The following MAF variants were observed in gnomAD, a reference collection of about 807,000 sequenced individuals.
The protein encoded by MAF is MAF bZIP transcription factor, also known as transcription factor Maf.
Under a neutral mutation model 22.0 loss-of-function variants are expected in MAF, and 10 were observed. The ratio of observed to expected loss-of-function variants is 0.45; its 90% CI spans 0.28 to 0.77. The LOEUF is 0.77. MAF is among the 30% of genes least tolerant of loss of function. MAF has a pLI of 0.12. For missense variants in MAF, 544 were observed against 548.4 expected (o/e 0.99, Z 0.08); for synonymous variants, 337 against 255.8 (o/e 1.32, Z -3.03).
the MAF span, among the ~76,000 whole-genome samples, chr16:79,547,820 G>C: frequency 2.0e-5 from 3 of 151,814 alleles, no homozygotes; most frequent in African/African-American, 7.3e-5. Flanking sequence ...TTTCTCCTCT[G>C]TCTCCTCTGT....
At chr16:79,598,081 G>A (rs865792469) in intron 1 of MAF, 2 of 1,042,702 alleles carry the variant, frequency 1.9e-6, no homozygotes, top group Non-Finnish European at 2.3e-6. Flanking sequence ...TCGGCACGCT[G>A]CAAGTCTATA....
At chr16:79,512,122 C>G in the MAF span, among the ~76,000 whole-genome samples, 1 of 152,166 alleles carries the variant, frequency 6.6e-6, no homozygotes, top group Non-Finnish European at 1.5e-5. Flanking sequence ...TTCATAATCC[C>G]ATAGCTCTTT....
the MAF span, among the ~76,000 whole-genome samples, chr16:79,558,754 G>C: frequency 1.3e-5 from 2 of 152,172 alleles, no homozygotes; most frequent in South Asian, 2.1e-4. Flanking sequence ...CAAGAGTCCA[G>C]TGGCTTTCTT....
chr16:79,411,726 T>C, the MAF span, among the ~76,000 whole-genome samples: 1 of 152,222 alleles, frequency 6.6e-6, no homozygotes, highest in African/African-American at 2.4e-5. Context: ...CACACCATGA[T>C]TTGGGCTCCC....
At chr16:79,324,918 C>T in the MAF span, among the ~76,000 whole-genome samples, 1 of 152,092 alleles carries the variant, frequency 6.6e-6, no homozygotes, top group East Asian at 1.9e-4. Context: ...TCTGCTCTTG[C>T]CTCTTTGAGC....
At chr16:79,256,321 C>T in the MAF span, among the ~76,000 whole-genome samples, 1 of 151,942 alleles carries the variant, frequency 6.6e-6, no homozygotes, top group African/African-American at 2.4e-5. Context: ...TTGCAGTGGC[C>T]ATGAGAGGGA....
chr16:79,598,200 GAGA>G lies in MAF; in HGVS notation c.1118+582_1118+584del. ...TCTTTCATCTCGGAAGAGATGGGTT[GAGA>G]AGGAGTGAGGGTGGAGGTTGGAAAA... On this transcript the variant is annotated intron_variant, in intron 1 of 1. Coordinates refer to ENST00000326043, the MANE Select transcript of MAF (RefSeq NM_005360.5). 3 of 1,054,152 alleles carry G rather than the reference GAGA, an allele frequency of 2.8e-6. No individual in the cohort carries two copies. In the South Asian group the frequency reaches 1.4e-4, roughly 48 times the overall value. The allele number at this position is 1,054,152 out of a possible 1,614,324, so 65.3% of individuals were successfully genotyped here.
chr16:79,216,850 C>G, the MAF span, among the ~76,000 whole-genome samples: 1 of 150,830 alleles, frequency 6.6e-6, no homozygotes, highest in Non-Finnish European at 1.5e-5. Flanking sequence ...CGCTCTGTCA[C>G]CCAGGCTGGA....
At chr16:79,353,236 C>A in the MAF span, among the ~76,000 whole-genome samples, 3 of 152,024 alleles carry the variant, frequency 2.0e-5, no homozygotes, top group East Asian at 5.8e-4. Flanking sequence ...ATTCTCTTGC[C>A]TCAGCCTCCT....
At chr16:79,463,304 A>G in the MAF span, among the ~76,000 whole-genome samples, 3 of 152,216 alleles carry the variant, frequency 2.0e-5, no homozygotes, top group African/African-American at 7.2e-5. Flanking sequence ...GATGGTTTTA[A>G]GTCACATAAT....
the MAF span, among the ~76,000 whole-genome samples, chr16:79,431,008 A>G: frequency 3.9e-5 from 6 of 152,200 alleles, no homozygotes; most frequent in Admixed American, 2.6e-4. Context: ...AACATGGCTG[A>G]AATCCATGTA....
At chr16:79,422,657 C>T in the MAF span, among the ~76,000 whole-genome samples, 1 of 152,142 alleles carries the variant, frequency 6.6e-6, no homozygotes, top group African/African-American at 2.4e-5. Context: ...ATCCCCATTC[C>T]TTTGGGGGGC....
the MAF span, among the ~76,000 whole-genome samples, chr16:79,569,512 A>G: frequency 6.6e-6 from 1 of 152,228 alleles, no homozygotes; most frequent in East Asian, 1.9e-4. Context: ...TCCCTGTTCC[A>G]ATATCACCTG....
Position 79,599,956 on chromosome 16 carries a change from G to A in MAF, c.-54C>T. The A allele has an allele frequency of 1.3e-6, 2 of 1,596,676 alleles. No homozygotes were observed. Among genetic ancestry groups the A allele is most frequent in the Admixed American group, 1.7e-5 (1 of 59,956 alleles). On this transcript the variant is annotated 5_prime_UTR_variant, in exon 1 of 2. Transcript: ENST00000326043. The stretch of plus-strand genomic sequence containing the variant: ...CCGCTCCGCCAGATGGGCTGCAGGA[G>A]AGGGGCCAGCGGGCTGTGCTGGGTG...
At chr16:79,247,279 AG>A in the MAF span, among the ~76,000 whole-genome samples, 449 of 152,344 alleles carry the variant, frequency 2.9e-3, 7 homozygotes, top group Admixed American at 0.023. Flanking sequence ...TAAGAAGAAA[AG>A]GCATCTTGAA....
chr16:79,551,652 C>T, the MAF span, among the ~76,000 whole-genome samples: 2 of 152,090 alleles, frequency 1.3e-5, no homozygotes, highest in African/African-American at 4.8e-5. Context: ...TCTTGTGCAG[C>T]CCAGGAGCTC....
At chr16:79,465,467 C>T in the MAF span, among the ~76,000 whole-genome samples, 10 of 152,188 alleles carry the variant, frequency 6.6e-5, no homozygotes, top group South Asian at 2.1e-3. Flanking sequence ...GTGATGTGTG[C>T]CTGTAGTCCC....
the MAF span, among the ~76,000 whole-genome samples, chr16:79,217,926 T>A: frequency 1.5e-5 from 2 of 133,012 alleles, no homozygotes; most frequent in African/African-American, 5.8e-5. Context: ...CAGAAAGACT[T>A]GGCTTGCAAT....
the MAF span, among the ~76,000 whole-genome samples, chr16:79,396,024 TG>T: frequency 6.6e-6 from 1 of 152,318 alleles, no homozygotes; most frequent in South Asian, 2.1e-4. Context: ...CTCAATGTCT[TG>T]GCATCTTGGA....
Sources: gnomAD v4.1 joint callset for allele counts (sites outside exome capture counted in the v4.1 genomes callset) on GRCh38, gnomAD v4.1.1 for gene constraint, MANE v1.5 for transcripts, NCBI Gene and HGNC (gene_info 2026-07-23, HGNC 2026-07-21) for gene names.